Variants in GPHN observed in about 807,000 individuals in gnomAD.
The protein encoded by GPHN is gephyrin.
GPHN carries 17 observed loss-of-function variants against 95.5 expected under a neutral mutation model. The observed-to-expected ratio is 0.18, with a 90% CI of 0.12 to 0.27. The LOEUF (loss-of-function observed/expected upper bound fraction) is 0.27, where lower values mean the gene tolerates loss of function less well. Among genes scored for constraint, GPHN ranks in the 10% least tolerant of loss-of-function variants. The probability of loss-of-function intolerance (pLI) is 1.00; values close to 1 mark genes in which losing one functional copy is unlikely to be tolerated. For missense variants in GPHN, 660 were observed against 978.1 expected, an observed-to-expected ratio of 0.67 and a Z score of 4.34; for synonymous variants, 320 against 322.5, an observed-to-expected ratio of 0.99 and a Z score of 0.08.
intron 1 of GPHN, among the ~76,000 whole-genome samples, chr14:66,664,782 G>A (rs1000049089): frequency 2.6e-5 from 4 of 151,444 alleles, no homozygotes; most frequent in African/African-American, 4.9e-5. Flanking sequence ...ATGATAAGGT[G>A]GATATTACGA....
chr14:67,301,830 AAC>A, the GPHN span: 4 of 981,668 alleles, frequency 4.1e-6, no homozygotes, highest in Non-Finnish European at 5.7e-6. Flanking sequence ...TAGTATACTT[AAC>A]ACATCTTTAT....
the GPHN span, among the ~76,000 whole-genome samples, chr14:67,672,013 A>C: frequency 6.6e-6 from 1 of 152,246 alleles, no homozygotes; most frequent in Admixed American, 6.5e-5. Context: ...CCATAGTAAT[A>C]ATGAATTCAA....
At chr14:66,884,399 C>T (rs2064084567) in intron 5 of GPHN, among the ~76,000 whole-genome samples, 1 of 152,044 alleles carries the variant, frequency 6.6e-6, no homozygotes. Flanking sequence ...TTGGCTGACA[C>T]CAAAGAACAA....
the GPHN span, among the ~76,000 whole-genome samples, chr14:67,582,774 TTGCAG>T: frequency 6.6e-6 from 1 of 151,298 alleles, no homozygotes; most frequent in Non-Finnish European, 1.5e-5. This position sits in a 1 kb window ranked among gnomAD's most constrained non-coding sequence, Gnocchi z 5.0. Context: ...GAGGCAGAGG[TTGCAG>T]TGAGCCAAGA....
the GPHN span, chr14:67,302,466 G>A: frequency 6.3e-7 from 1 of 1,599,242 alleles, no homozygotes; most frequent in East Asian, 2.3e-5. Flanking sequence ...TAGTAAAAGG[G>A]GGTGCTGCAG....
intron 16 of GPHN, among the ~76,000 whole-genome samples, chr14:67,114,511 C>T (rs2078560353): frequency 6.6e-6 from 1 of 151,958 alleles, no homozygotes; most frequent in African/African-American, 2.4e-5. Flanking sequence ...GGCAACATAG[C>T]GGGACCCTGC....
chr14:67,262,836 ATATT>A, the GPHN span, among the ~76,000 whole-genome samples: 7 of 152,132 alleles, frequency 4.6e-5, no homozygotes, highest in African/African-American at 1.7e-4. Flanking sequence ...TAGGCCATAT[ATATT>A]CTTCATTATT....
At chr14:67,646,703 G>A in the GPHN span, 1 of 1,613,854 alleles carries the variant, frequency 6.2e-7, no homozygotes, top group Admixed American at 1.7e-5. Context: ...CAAGTATTGT[G>A]TATATTGGTC....
At chr14:67,122,961 C>G (rs1166161768) in intron 17 of GPHN, among the ~76,000 whole-genome samples, 1 of 152,200 alleles carries the variant, frequency 6.6e-6, no homozygotes, top group Non-Finnish European at 1.5e-5. Context: ...CTAAGTATTT[C>G]TGTGAATCTC....
At chr14:67,522,742 G>A in the GPHN span, among the ~76,000 whole-genome samples, 1 of 152,160 alleles carries the variant, frequency 6.6e-6, no homozygotes, top group East Asian at 1.9e-4. Context: ...GGAGCCGGCT[G>A]AGAGACAGCC....
chr14:67,651,030 A>G, the GPHN span: 1 of 1,129,778 alleles, frequency 8.9e-7, no homozygotes, highest in East Asian at 2.5e-5. Context: ...CTTAATGAGA[A>G]CATTTACACA....
At chr14:67,466,093 G>T in the GPHN span, among the ~76,000 whole-genome samples, 2 of 152,334 alleles carry the variant, frequency 1.3e-5, no homozygotes, top group African/African-American at 4.8e-5. Flanking sequence ...GTGGTAATTT[G>T]TTACAGCAGT....
chr14:67,143,598 A>G, intron 18 of GPHN, 149 bp downstream of exon 18: 1 of 702,526 alleles, frequency 1.4e-6, no homozygotes, highest in East Asian at 2.6e-5. Flanking sequence ...TGGTCTCTTT[A>G]AAAGGGATAC....
chr14:66,518,136 A>C (rs537566544), intron 1 of GPHN, among the ~76,000 whole-genome samples: 2 of 128,400 alleles, frequency 1.6e-5, no homozygotes, highest in South Asian at 4.8e-4. Flanking sequence ...CCAGAAAAAA[A>C]CAAAACAAAA....
chr14:67,582,365 G>T, the GPHN span: 1 of 1,282,498 alleles, frequency 7.8e-7, no homozygotes, highest in Non-Finnish European at 1.1e-6. The surrounding 1 kb of genome is among the most constrained non-coding windows in gnomAD (Gnocchi z 5.0). Context: ...GACTTCTACA[G>T]ATCAGAGCTC....
the GPHN span, among the ~76,000 whole-genome samples, chr14:67,476,316 G>A: frequency 6.6e-6 from 1 of 152,254 alleles, no homozygotes; most frequent in Non-Finnish European, 1.5e-5. Flanking sequence ...GCTGGGCGCA[G>A]TGGCTCACAC....
the GPHN span, among the ~76,000 whole-genome samples, chr14:67,719,195 T>C: frequency 6.6e-6 from 1 of 152,262 alleles, no homozygotes; most frequent in African/African-American, 2.4e-5. Context: ...AAATGTTTTA[T>C]GCACAAGACA....
At chr14:67,431,635 T>C in the GPHN span, among the ~76,000 whole-genome samples, 1 of 152,070 alleles carries the variant, frequency 6.6e-6, no homozygotes, top group Non-Finnish European at 1.5e-5. Flanking sequence ...CAGGCTGCAG[T>C]GAGCTGAGAT....
chr14:67,723,989 C>T, the GPHN span, among the ~76,000 whole-genome samples: 1 of 152,230 alleles, frequency 6.6e-6, no homozygotes, highest in East Asian at 1.9e-4. Flanking sequence ...CCTGTGTATG[C>T]CATCCCCCAG....
Sources: allele counts gnomAD v4.1 joint callset (sites outside exome capture counted in the v4.1 genomes callset), GRCh38; gene constraint gnomAD v4.1.1; non-coding constraint Gnocchi (gnomAD v3.1); transcripts MANE v1.5; gene names NCBI Gene and HGNC (gene_info 2026-07-23, HGNC 2026-07-21).